Variants in REL observed in about 807,000 individuals in gnomAD.
REL encodes the protein REL proto-oncogene, NF-kB subunit.
A neutral mutation model predicts 45.9 loss-of-function variants in REL; 15 were observed. That is an observed-to-expected ratio of 0.33 (90% CI 0.22 to 0.50). REL has a LOEUF of 0.50. Among genes scored for constraint, REL ranks in the 20% least tolerant of loss-of-function variants. The pLI is 0.98. For synonymous variants in REL, 239 were observed against 242.1 expected, an observed-to-expected ratio of 0.99 and a Z score of 0.12; for missense variants, 601 against 715.2, an observed-to-expected ratio of 0.84 and a Z score of 1.82.
At chr2:60,908,624 T>G (rs1032970792) in intron 4 of REL, among the ~76,000 whole-genome samples, 12 of 152,230 alleles carry the variant, frequency 7.9e-5, no homozygotes, top group African/African-American at 2.9e-4. Context: ...TGTAATTATA[T>G]ATCATTTTCT....
In REL at chr2:60,881,771, C is replaced by CT. The variant is rs1558780136; in HGVS notation, c.-69dup. Reference sequence around the variant, plus strand: ...CGGCAGAGGTCCCTCGGCCTCCTGACTGACTGACTGCGGCCGCCTCCGGCC... The same window carrying CT: ...CGGCAGAGGTCCCTCGGCCTCCTGACTTGACTGACTGCGGCCGCCTCCGGCC... On this transcript the variant is annotated 5_prime_UTR_variant, in exon 1 of 10. Transcript: ENST00000394479. The CT allele has an allele frequency of 6.8e-7, 1 of 1,474,558 alleles. No homozygotes were observed. Among genetic ancestry groups the CT allele is most frequent in the Admixed American group, 2.0e-5 (1 of 49,448 alleles). The allele number at this position is 1,474,558 out of a possible 1,614,324, so 91.3% of individuals were successfully genotyped here.
chr2:60,924,071 G>A lies in REL; in HGVS notation c.*1536G>A, dbSNP rs1573350788. The A allele has an allele frequency of 4.3e-6, 1 of 231,898 alleles. No homozygotes were observed. The allele number at this position is 231,898 out of a possible 1,614,324, so 14.4% of individuals were successfully genotyped here. A position where few individuals can be genotyped will look rare whatever the true frequency, so the allele number is the denominator to read the frequency against. Reference sequence around the variant, plus strand: ...ACTTGCCTTGGACAGTCTGTACTTGGTATTCCCTCTGCCTTGAATGTTGTT... The same window carrying A: ...ACTTGCCTTGGACAGTCTGTACTTGATATTCCCTCTGCCTTGAATGTTGTT... On this transcript the variant is annotated 3_prime_UTR_variant, in exon 10 of 10. Transcript: ENST00000394479.
In REL at chr2:60,924,782, C is replaced by G. The variant is rs1481416556; in HGVS notation, c.*2247C>G. On this transcript the variant is annotated 3_prime_UTR_variant, in exon 10 of 10. Coordinates refer to ENST00000394479, the MANE Select transcript of REL (RefSeq NM_001291746.2). ...AGAGACTTGTCACATATTCATTTGG[C>G]TGGTTTCAAATGGTGAGCTGAATGC... 4.8e-6 allele frequency: 1 copy of G among 206,778 alleles called. No homozygotes were observed. The highest frequency in any genetic ancestry group is 9.9e-6 in the Non-Finnish European group (1 of 101,126). The allele number at this position is 206,778 out of a possible 1,614,324, so 12.8% of individuals were successfully genotyped here. A position where few individuals can be genotyped will look rare whatever the true frequency, so the allele number is the denominator to read the frequency against.
chr2:60,889,938 A>G (rs760802743), intron 1 of REL, among the ~76,000 whole-genome samples: 140 of 152,250 alleles, frequency 9.2e-4, no homozygotes, highest in Non-Finnish European at 1.6e-3. Context: ...TAGCAGCATG[A>G]TTTATAATCT....
At chr2:60,894,576 A>T (rs1473789295) in intron 3 of REL, 31 bp downstream of exon 3, 21 of 1,511,280 alleles carry the variant, frequency 1.4e-5, no homozygotes, top group Non-Finnish European at 1.9e-5. Flanking sequence ...ATCTTCAGAA[A>T]TAAGATAAGA....
chr2:60,890,101 C>A (rs979056373), intron 1 of REL, among the ~76,000 whole-genome samples: 1 of 152,216 alleles, frequency 6.6e-6, no homozygotes. Context: ...CACATCCTCT[C>A]CAGCACCTGT....
At position 60,889,244 on chromosome 2, in the gene REL, C is replaced by T. The variant is rs914440371; in HGVS notation, c.11-2439C>T. ...TTCCTCCGCTCTTTTGCTTCATTAA[C>T]CGCTCTTTTTCCACTGACACAGTTG... On this transcript the variant is annotated intron_variant, in intron 1 of 9. Transcript: ENST00000394479. Among the ~76,000 whole-genome samples, 12 of 152,280 alleles carry T rather than the reference C, an allele frequency of 7.9e-5. No individual in the cohort carries two copies. In the East Asian group the frequency reaches 2.1e-3, roughly 27 times the overall value.
chr2:60,906,721 C>G (rs1484944167), intron 4 of REL, among the ~76,000 whole-genome samples: 2 of 151,792 alleles, frequency 1.3e-5, no homozygotes, highest in South Asian at 2.1e-4. Context: ...CATGAAATAC[C>G]CTGATCTGCC....
rs896817385 is a variant in REL, at chr2:60,927,810, T to C, written c.*5275T>C. Reference sequence around the variant, plus strand: ...ATTTTTATGTATGTTAACACCCATGTCACCACCATGTTTAGGACATTTCCA... The same window carrying C: ...ATTTTTATGTATGTTAACACCCATGCCACCACCATGTTTAGGACATTTCCA... On this transcript the variant is annotated 3_prime_UTR_variant, in exon 10 of 10. Transcript: ENST00000394479. 1 of 227,904 alleles carries C rather than the reference T, an allele frequency of 4.4e-6. No individual in the cohort carries two copies. Among genetic ancestry groups the C allele is most frequent in the Admixed American group, 5.7e-5 (1 of 17,618 alleles). 14.1% of individuals were successfully genotyped at this position (227,904 alleles called of 1,614,324 possible). A position where few individuals can be genotyped will look rare whatever the true frequency, so the allele number is the denominator to read the frequency against.
rs571408152 is a variant in REL at position 60,885,448 on chromosome 2, TC to T, written c.10+3603del. ...GAGTTTTTTCAAGACTTACCTTTTT[TC>T]CCCCTTGGTAACAGAATCCCTATTG... On this transcript the variant is annotated intron_variant, in intron 1 of 9. Transcript: ENST00000394479. 1.6e-4 allele frequency among the ~76,000 whole-genome samples: 25 copies of T among 152,264 alleles called. No individual in the cohort carries two copies. The East Asian group carries it at 4.6e-3, about 28-fold the overall frequency.
At chr2:60,889,350 T>A (rs1002879521) in intron 1 of REL, among the ~76,000 whole-genome samples, 1 of 152,222 alleles carries the variant, frequency 6.6e-6, no homozygotes. Flanking sequence ...TAATATATGT[T>A]GTTTGCCTTG....
intron 2 of REL, among the ~76,000 whole-genome samples, chr2:60,893,889 C>G (rs1255186957): frequency 6.6e-6 from 1 of 152,072 alleles, no homozygotes; most frequent in African/African-American, 2.4e-5. Flanking sequence ...TTGTTAAACT[C>G]AATTTGATTT....
rs79263888 is a variant in REL at position 60,927,877 on chromosome 2, C to G, written c.*5342C>G. The G allele has an allele frequency of 0.026, 5,860 of 225,856 alleles. 114 individuals are homozygous for G. The highest frequency in any genetic ancestry group is 0.038 in the Non-Finnish European group (4,348 of 113,388). 14.0% of individuals were successfully genotyped at this position (225,856 alleles called of 1,614,324 possible). On this transcript the variant is annotated 3_prime_UTR_variant, in exon 10 of 10. Coordinates refer to ENST00000394479, the MANE Select transcript of REL (RefSeq NM_001291746.2). ...CTTCATGCCCCTTCCCAGTCTGTAC[C>G]TACACCTCTAAATCTATTTTCAATC...
chr2:60,893,497 A>G (rs779954785), intron 2 of REL, among the ~76,000 whole-genome samples: 1 of 152,192 alleles, frequency 6.6e-6, no homozygotes, highest in African/African-American at 2.4e-5. Flanking sequence ...ATCTTATCCT[A>G]TGCATCTCTA....
At chr2:60,905,341 G>C (rs1016476624) in intron 4 of REL, among the ~76,000 whole-genome samples, 3 of 152,160 alleles carry the variant, frequency 2.0e-5, no homozygotes, top group Admixed American at 1.3e-4. Flanking sequence ...TGATCCGCCC[G>C]CCTCAGCCTC....
rs1317395398 is a variant in REL at position 60,922,849 on chromosome 2, G to A, written c.*314G>A. ...ACTTGAGACCAGGAATTCGAGACCA[G>A]CCTGGCCAACATGGTGAAACCCCGT... On this transcript the variant is annotated 3_prime_UTR_variant, in exon 10 of 10. Coordinates refer to ENST00000394479, the MANE Select transcript of REL (RefSeq NM_001291746.2). 4 of 437,314 alleles carry A rather than the reference G, an allele frequency of 9.1e-6. No individual in the cohort carries two copies. The South Asian group carries it at 3.4e-4, about 37-fold the overall frequency. The allele number at this position is 437,314 out of a possible 1,614,324, so 27.1% of individuals were successfully genotyped here.
intron 1 of REL, among the ~76,000 whole-genome samples, chr2:60,888,293 G>A (rs567377315): frequency 5.9e-5 from 9 of 152,066 alleles, no homozygotes; most frequent in Middle Eastern, 3.4e-3. Context: ...TCTTCCCAAA[G>A]TTAAACACTT....
intron 4 of REL, among the ~76,000 whole-genome samples, chr2:60,908,014 A>T (rs926808338): frequency 1.3e-5 from 2 of 151,998 alleles, no homozygotes; most frequent in Non-Finnish European, 2.9e-5. Flanking sequence ...TTCTACCAAA[A>T]ATATCACAGT....
At chr2:60,889,074 C>A (rs1015674863) in intron 1 of REL, among the ~76,000 whole-genome samples, 7 of 152,150 alleles carry the variant, frequency 4.6e-5, no homozygotes, top group Non-Finnish European at 8.8e-5. Flanking sequence ...AAAATGAAAT[C>A]CACATTGCCA....
Sources: gnomAD v4.1 joint callset for allele counts (sites outside exome capture counted in the v4.1 genomes callset) on GRCh38, gnomAD v4.1.1 for gene constraint, MANE v1.5 for transcripts, NCBI Gene and HGNC (gene_info 2026-07-23, HGNC 2026-07-21) for gene names.